VPS33B: variants seen among roughly 807,000 people sequenced by gnomAD.
VPS33B encodes VPS33B late endosome and lysosome associated.
In VPS33B, 80 loss-of-function variants were observed where a neutral mutation model predicts 95.3. The observed-to-expected ratio is 0.84, with a 90% CI of 0.70 to 1.01. VPS33B has a LOEUF of 1.01. Among genes scored for constraint, VPS33B ranks in the 50% least tolerant of loss-of-function variants. The pLI is 0.00. For synonymous variants in VPS33B, 280 were observed against 280.4 expected, an observed-to-expected ratio of 1.00 and a Z score of 0.01; for missense variants, 715 against 773.4, an observed-to-expected ratio of 0.92 and a Z score of 0.90.
Position 91,004,608 on chromosome 15 carries a change from G to A in VPS33B, c.1225+269C>T, listed in dbSNP as rs573911890. Among the ~76,000 whole-genome samples, 117 of 152,280 alleles carry A rather than the reference G, an allele frequency of 7.7e-4. 1 individual carries two copies. The highest frequency in any genetic ancestry group is 1.5e-3 in the South Asian group (7 of 4,820). ...TGAAAATAAGGACAGATGGAGTGAT[G>A]AGAGAAATGCCACTCAGCTCTGCAC... On this transcript the variant is annotated intron_variant, in intron 16 of 22. Transcript: ENST00000333371.
rs761410537 is a variant in VPS33B, at chr15:91,003,122, G to C, written c.1235C>G (p.Pro412Arg). 26 of 1,614,030 alleles carry C rather than the reference G, an allele frequency of 1.6e-5. No individual in the cohort carries two copies. Among genetic ancestry groups the C allele is most frequent in the Non-Finnish European group, 2.1e-5 (25 of 1,180,032 alleles). The change falls in exon 17 of 23, where the codon CCC becomes CGC. Residue 412 changes from proline to arginine, a missense_variant. Physicochemically the swap from Pro to Arg is moderately radical, Grantham distance 103. Transcript: ENST00000333371. ...TGTTTTCAGAGATCGGTAATCCTTG[G>C]GGATCAAACCTAAGAGTGAAGAAAA... ...LLSITENGLI[P>R]KDYRSLKTQY...
At chr15:91,008,182 C>T (rs2078957490) in intron 6 of VPS33B, among the ~76,000 whole-genome samples, 1 of 152,222 alleles carries the variant, frequency 6.6e-6, no homozygotes, top group South Asian at 2.1e-4. Context: ...GTGTCCACAG[C>T]AGCCTGTAAT....
Position 90,998,753 on chromosome 15 carries a change from T to A in VPS33B, c.*222A>T, listed in dbSNP as rs1225027212. ...AGGATGCCTCTTCCTGCTCGCATCTTAGCAGCATGGGTTGTACTTCATAAA... is the reference window on the plus strand; with the variant it reads ...AGGATGCCTCTTCCTGCTCGCATCTAAGCAGCATGGGTTGTACTTCATAAA... On this transcript the variant is annotated 3_prime_UTR_variant, in exon 23 of 23. Transcript: ENST00000333371. The surrounding 1 kb of genome is among the most constrained non-coding windows in gnomAD (Gnocchi z 4.8). The A allele has an allele frequency of 1.6e-6, 1 of 625,288 alleles. No homozygotes were observed. Among genetic ancestry groups the A allele is most frequent in the Non-Finnish European group, 2.9e-6 (1 of 347,096 alleles). 38.7% of individuals were successfully genotyped at this position (625,288 alleles called of 1,614,324 possible). A position where few individuals can be genotyped will look rare whatever the true frequency, so the allele number is the denominator to read the frequency against.
intron 16 of VPS33B, among the ~76,000 whole-genome samples, chr15:91,004,324 CA>C (rs954093972): frequency 4.0e-5 from 6 of 151,838 alleles, no homozygotes; most frequent in African/African-American, 1.5e-4. Flanking sequence ...GAAGGTTGCA[CA>C]ATCTGGAATT....
intron 2 of VPS33B, 101 bp downstream of exon 2, chr15:91,017,704 A>G (rs994391350): frequency 2.9e-5 from 33 of 1,131,054 alleles, no homozygotes; most frequent in African/African-American, 4.6e-5. Flanking sequence ...GCTACCCTAT[A>G]TTTGCCCTAC....
chr15:91,002,651 AGAAAAG>A lies in VPS33B; in HGVS notation c.1272+428_1272+433del, dbSNP rs1824484044. Among the ~76,000 whole-genome samples the A allele has an allele frequency of 6.6e-6, 1 of 151,140 alleles. No individual in the cohort carries two copies. The highest frequency in any genetic ancestry group is 1.5e-5 in the Non-Finnish European group (1 of 67,784). Reference sequence around the variant, plus strand: ...TCTCGAAATAAAAAAAAAAAAAAAAAGAAAAGAAATAATTAGCACCAAACAAAGAAG... The same window carrying A: ...TCTCGAAATAAAAAAAAAAAAAAAAAAAATAATTAGCACCAAACAAAGAAG... On this transcript the variant is annotated intron_variant, in intron 17 of 22. Transcript: ENST00000333371. This position sits in a 1 kb window ranked among gnomAD's most constrained non-coding sequence, Gnocchi z 4.7.
chr15:91,019,624 C>G (rs2041045843), intron 1 of VPS33B, among the ~76,000 whole-genome samples: 1 of 152,060 alleles, frequency 6.6e-6, no homozygotes. Flanking sequence ...TGTATTGAAG[C>G]ATTCCAATCA....
At chr15:91,003,021 T>C (rs1016871568) in intron 17 of VPS33B, 64 bp downstream of exon 17, 1 of 1,582,468 alleles carries the variant, frequency 6.3e-7, no homozygotes, top group African/African-American at 1.3e-5. Flanking sequence ...TCTTGCCTCT[T>C]TCAAAAATGC....
Position 91,013,102 on chromosome 15 carries a change from C to T in VPS33B, c.357+702G>A, listed in dbSNP as rs762308851. On this transcript the variant is annotated intron_variant, in intron 5 of 22. Transcript: ENST00000333371. This position sits in a 1 kb window ranked among gnomAD's most constrained non-coding sequence, Gnocchi z 4.5. ...TACAGGGAGAAAGTCACTGGAAAGC[C>T]GTAACATTGTGCACCATTACTATAC... Among the ~76,000 whole-genome samples the T allele has an allele frequency of 6.6e-5, 10 of 152,170 alleles. No homozygotes were observed. The highest frequency in any genetic ancestry group is 2.4e-4 in the African/African-American group (10 of 41,498).
chr15:91,011,889 T>G lies in VPS33B; in HGVS notation c.357+1915A>C, dbSNP rs923891493. On this transcript the variant is annotated intron_variant, in intron 5 of 22. Coordinates refer to ENST00000333371, the MANE Select transcript of VPS33B (RefSeq NM_018668.5). This position sits in a 1 kb window ranked among gnomAD's most constrained non-coding sequence, Gnocchi z 5.5. ...CTGTAGTCCCAGCTACTCGGGAAGC[T>G]GAGGCAGGAGAATTGCTTGAACCTG... Among the ~76,000 whole-genome samples, 2 of 152,102 alleles carry G rather than the reference T, an allele frequency of 1.3e-5. No individual in the cohort carries two copies. The highest frequency in any genetic ancestry group is 2.9e-5 in the Non-Finnish European group (2 of 68,020).
At chr15:91,014,233 A>G in intron 4 of VPS33B, 151 bp downstream of exon 4, 1 of 834,862 alleles carries the variant, frequency 1.2e-6, no homozygotes, top group South Asian at 1.7e-5. Context: ...AAAAAAAAAA[A>G]AAAAAAAAAG....
At position 91,006,879 on chromosome 15, in the gene VPS33B, T is replaced by G; in HGVS notation, c.700+71A>C. 2 of 1,606,494 alleles carry G rather than the reference T, an allele frequency of 1.2e-6. No homozygotes were observed. The highest frequency in any genetic ancestry group is 1.7e-6 in the Non-Finnish European group (2 of 1,173,296). ...AGCCCTAACTTTAGGATTTTAACTTTGCCACCACGCCTTCCATATTCCCGT... is the reference window on the plus strand; with the variant it reads ...AGCCCTAACTTTAGGATTTTAACTTGGCCACCACGCCTTCCATATTCCCGT... On this transcript the variant is annotated intron_variant, in intron 9 of 22. Transcript: ENST00000333371. The surrounding 1 kb of genome is among the most constrained non-coding windows in gnomAD (Gnocchi z 5.4).
At position 91,007,912 on chromosome 15, in the gene VPS33B, C is replaced by A. The variant is rs997425993; in HGVS notation, c.456G>T (p.Leu152=). The change falls in exon 7 of 23, where the codon CTG becomes CTT. Residue 152 remains leucine, a synonymous_variant. Coordinates refer to ENST00000333371, the MANE Select transcript of VPS33B (RefSeq NM_018668.5). This position sits in a 1 kb window ranked among gnomAD's most constrained non-coding sequence, Gnocchi z 5.3. ...AFSLLPLDVD[L]LSMELPEFFR... The stretch of plus-strand genomic sequence containing the variant: ...AAAATTCTGGTAGTTCCATGCTCAG[C>A]AGATCCACATCAAGAGGCAGCAAAG... 10 of 1,614,208 alleles carry A rather than the reference C, an allele frequency of 6.2e-6. No homozygotes were observed. The highest frequency in any genetic ancestry group is 4.5e-5 in the East Asian group (2 of 44,884).
At position 91,012,235 on chromosome 15, in the gene VPS33B, G is replaced by A. The variant is rs558790986; in HGVS notation, c.357+1569C>T. On this transcript the variant is annotated intron_variant, in intron 5 of 22. Coordinates refer to ENST00000333371, the MANE Select transcript of VPS33B (RefSeq NM_018668.5). ...TGTATTCCTAAGCATATTATCCTAAGATAAATATTTGTAAGATTGTGCTAT... is the reference window on the plus strand; with the variant it reads ...TGTATTCCTAAGCATATTATCCTAAAATAAATATTTGTAAGATTGTGCTAT... Among the ~76,000 whole-genome samples the A allele has an allele frequency of 9.9e-5, 15 of 152,226 alleles. No homozygotes were observed. In the South Asian group the frequency reaches 3.1e-3, roughly 32 times the overall value.
chr15:91,009,667 G>T lies in VPS33B; in HGVS notation c.403+134C>A. 1.1e-6 allele frequency: 1 copy of T among 926,794 alleles called. No individual in the cohort carries two copies. 57.4% of individuals were successfully genotyped at this position (926,794 alleles called of 1,614,324 possible). ...CCCATTCTCAGGAACCTCTCCTCCT[G>T]CTACACTAACAGGAATAAGACCAGG... On this transcript the variant is annotated intron_variant, in intron 6 of 22. Transcript: ENST00000333371. The surrounding 1 kb of genome is among the most constrained non-coding windows in gnomAD (Gnocchi z 4.1).
chr15:91,016,187 G>T (rs557656957), intron 3 of VPS33B, among the ~76,000 whole-genome samples: 2 of 152,208 alleles, frequency 1.3e-5, no homozygotes, highest in African/African-American at 2.4e-5. Context: ...AGAGCGAATG[G>T]AGTGATGAAA....
Position 91,006,422 on chromosome 15 carries a change from C to T in VPS33B, c.802G>A (p.Val268Ile). Residue 268 changes from valine to isoleucine, a missense_variant, in exon 11 of 23, where the codon GTC (valine) becomes ATC (isoleucine). Transcript: ENST00000333371. This position sits in a 1 kb window ranked among gnomAD's most constrained non-coding sequence, Gnocchi z 5.4. ...TTCAGGCTCTTGTCAGAGGATGTGA[C>T]TTCTGGGCCAAAGTCGACACTCCCT... ...KCGSVDFGPE[V>I]TSSDKSLKVL... is the part of the protein sequence containing the mutation. 5 of 1,614,226 alleles carry T rather than the reference C, an allele frequency of 3.1e-6. No individual in the cohort carries two copies. The highest frequency in any genetic ancestry group is 4.2e-6 in the Non-Finnish European group (5 of 1,180,040).
chr15:91,009,536 A>G lies in VPS33B; in HGVS notation c.403+265T>C, dbSNP rs1371781508. Among the ~76,000 whole-genome samples the G allele has an allele frequency of 6.6e-6, 1 of 151,854 alleles. No homozygotes were observed. The highest frequency in any genetic ancestry group is 2.4e-5 in the African/African-American group (1 of 41,328). Reference sequence around the variant, plus strand: ...TGCCCAGGCTGGACTCAAACTCCTGACCTCAGGTGATCCACCCCCTCGGCC... The same window carrying G: ...TGCCCAGGCTGGACTCAAACTCCTGGCCTCAGGTGATCCACCCCCTCGGCC... On this transcript the variant is annotated intron_variant, in intron 6 of 22. Coordinates refer to ENST00000333371, the MANE Select transcript of VPS33B (RefSeq NM_018668.5). This position sits in a 1 kb window ranked among gnomAD's most constrained non-coding sequence, Gnocchi z 4.1.
At chr15:91,019,707 C>T (rs1108351) in intron 1 of VPS33B, among the ~76,000 whole-genome samples, 1 of 152,004 alleles carries the variant, frequency 6.6e-6, no homozygotes, top group Admixed American at 6.6e-5. Context: ...GTTAATAAAA[C>T]CATCCACAGA....
Sources: gnomAD v4.1 joint callset for allele counts (sites outside exome capture counted in the v4.1 genomes callset) on GRCh38, gnomAD v4.1.1 for gene constraint, Gnocchi (gnomAD v3.1) non-coding constraint, MANE v1.5 for transcripts, NCBI Gene and HGNC (gene_info 2026-07-23, HGNC 2026-07-21) for gene names.